GALNT11: variants seen among roughly 807,000 people sequenced by gnomAD.
The protein encoded by GALNT11 is polypeptide N-acetylgalactosaminyltransferase 11.
Under a neutral mutation model 72.7 loss-of-function variants are expected in GALNT11, and 47 were observed. That is an observed-to-expected ratio of 0.65 (90% CI 0.51 to 0.82). The LOEUF (loss-of-function observed/expected upper bound fraction) is 0.82, where lower values mean the gene tolerates loss of function less well. Ranked by LOEUF, GALNT11 falls within the 40% of genes least tolerant of loss-of-function variation. The pLI is 0.00. For missense variants in GALNT11, 677 were observed against 778.4 expected, an observed-to-expected ratio of 0.87 and a Z score of 1.55; for synonymous variants, 270 against 286.6, an observed-to-expected ratio of 0.94 and a Z score of 0.58.
At position 152,105,309 on chromosome 7, in the gene GALNT11, A is replaced by G. The variant is rs141542379; in HGVS notation, c.651A>G (p.Ile217Met). 79 of 1,614,104 alleles carry G rather than the reference A, an allele frequency of 4.9e-5. No homozygotes were observed. In the African/African-American group the frequency reaches 8.4e-4, roughly 17 times the overall value. The change falls in exon 5 of 12, where the codon ATA becomes ATG. Residue 217 changes from isoleucine to methionine, a missense_variant. By Grantham distance (10) the Ile-to-Met change is conservative. Transcript: ENST00000430044. ...QKYLPGKIKV[I>M]RNTKREGLIR... The stretch of plus-strand genomic sequence containing the variant: ...ACCTCCCTGGAAAAATTAAAGTCAT[A>G]AGAAATACAAAGCGTGAGGGGTTGA...
chr7:152,065,060 T>C (rs1022927328), intron 1 of GALNT11, among the ~76,000 whole-genome samples: 2 of 152,238 alleles, frequency 1.3e-5, no homozygotes, highest in African/African-American at 4.8e-5. Flanking sequence ...TCCAACTTGG[T>C]TCCATTCTCC....
chr7:152,069,564 GT>G (rs2084505453), intron 1 of GALNT11, among the ~76,000 whole-genome samples: 1 of 152,112 alleles, frequency 6.6e-6, no homozygotes, highest in South Asian at 2.1e-4. Flanking sequence ...ATTTTTCTTA[GT>G]TTTGCCTCAT....
intron 1 of GALNT11, among the ~76,000 whole-genome samples, chr7:152,049,868 G>C (rs926819138): frequency 1.3e-5 from 2 of 152,050 alleles, no homozygotes; most frequent in Admixed American, 1.3e-4. Flanking sequence ...ATGAGCAGAG[G>C]AGTCTCCCCC....
rs114990798 is a variant in GALNT11, at chr7:152,076,337, A to G, written c.-38-17853A>G. Among the ~76,000 whole-genome samples the G allele has an allele frequency of 1.1e-3, 172 of 152,310 alleles. 2 individuals are homozygous for G. The highest frequency in any genetic ancestry group is 4.0e-3 in the African/African-American group (167 of 41,570). ...ATTGATTGGTTTTGGTTCTTCTGGA[A>G]GCAGATCTTGAGATAGAAATCTGAA... On this transcript the variant is annotated intron_variant, in intron 1 of 11. Transcript: ENST00000430044.
chr7:152,026,233 A>G (rs2082006767), intron 1 of GALNT11, among the ~76,000 whole-genome samples: 1 of 152,236 alleles, frequency 6.6e-6, no homozygotes, highest in Non-Finnish European at 1.5e-5. Context: ...ACTTTTTAAA[A>G]TTAAAAGTGC....
chr7:152,101,654 G>T (rs964283970), intron 3 of GALNT11, among the ~76,000 whole-genome samples: 3 of 138,142 alleles, frequency 2.2e-5, no homozygotes, highest in Non-Finnish European at 3.1e-5. Flanking sequence ...GGGGGGGGGG[G>T]ATGGAGTCTT....
chr7:152,057,616 T>A (rs965697242), intron 1 of GALNT11, among the ~76,000 whole-genome samples: 3 of 152,102 alleles, frequency 2.0e-5, no homozygotes, highest in Admixed American at 6.5e-5. Context: ...CAGAATTAGA[T>A]GATTTTGGTG....
chr7:152,071,574 G>A (rs1255308782), intron 1 of GALNT11, among the ~76,000 whole-genome samples: 1 of 152,058 alleles, frequency 6.6e-6, no homozygotes, highest in East Asian at 1.9e-4. Context: ...AGGTCCTGGG[G>A]CAACATACAT....
intron 1 of GALNT11, among the ~76,000 whole-genome samples, chr7:152,082,910 T>C (rs1040325204): frequency 2.0e-5 from 3 of 152,242 alleles, no homozygotes; most frequent in Admixed American, 6.5e-5. Flanking sequence ...TTTGAGCATT[T>C]TTTCATATAG....
At chr7:152,050,064 G>A (rs993584365) in intron 1 of GALNT11, among the ~76,000 whole-genome samples, 2 of 152,212 alleles carry the variant, frequency 1.3e-5, no homozygotes, top group Non-Finnish European at 2.9e-5. Flanking sequence ...GCCAAGGCCT[G>A]AAATCAAGGA....
In GALNT11 at chr7:152,110,527, G is replaced by A. The variant is rs1397727820; in HGVS notation, c.963-1G>A. On this transcript the variant is annotated splice_acceptor_variant, in intron 6 of 11. Coordinates refer to ENST00000430044, the MANE Select transcript of GALNT11 (RefSeq NM_022087.4). LOFTEE classifies it high-confidence loss of function. ...GAGTACAGTAATTTTCCTTTTTCTA[G>A]GTCACCAACAATGGCTGGAGGTTTG... 3.1e-6 allele frequency: 5 copies of A among 1,610,946 alleles called. No homozygotes were observed. The highest frequency in any genetic ancestry group is 4.2e-6 in the Non-Finnish European group (5 of 1,178,856).
intron 1 of GALNT11, among the ~76,000 whole-genome samples, chr7:152,077,884 A>G (rs372802008): frequency 3.3e-5 from 5 of 152,104 alleles, no homozygotes; most frequent in Non-Finnish European, 7.3e-5. Flanking sequence ...TATTATGTTC[A>G]TGGAGATAAA....
intron 1 of GALNT11, among the ~76,000 whole-genome samples, chr7:152,080,812 C>A (rs1196985614): frequency 3.3e-5 from 5 of 150,306 alleles, no homozygotes; most frequent in Non-Finnish European, 5.9e-5. Context: ...AAAAAAAAAA[C>A]ACAAAATATT....
At position 152,041,494 on chromosome 7, in the gene GALNT11, A is replaced by G. The variant is rs1254202302; in HGVS notation, c.-39+15610A>G. Among the ~76,000 whole-genome samples, 11 of 152,298 alleles carry G rather than the reference A, an allele frequency of 7.2e-5. No homozygotes were observed. In the East Asian group the frequency reaches 2.1e-3, roughly 29 times the overall value. The stretch of plus-strand genomic sequence containing the variant: ...GAGTAGTGACTTGATCCAAATAAGG[A>G]GTTAGAGTCCATGAATTAGCATGTG... On this transcript the variant is annotated intron_variant, in intron 1 of 11. Transcript: ENST00000430044.
chr7:152,086,848 G>T (rs1040795811), intron 1 of GALNT11, among the ~76,000 whole-genome samples: 1 of 152,058 alleles, frequency 6.6e-6, no homozygotes, highest in African/African-American at 2.4e-5. Context: ...TTCCTGAGTT[G>T]TTTCTTGTAC....
intron 1 of GALNT11, among the ~76,000 whole-genome samples, chr7:152,051,459 G>A (rs181338726): frequency 8.6e-5 from 13 of 152,028 alleles, no homozygotes; most frequent in Admixed American, 6.6e-4. Context: ...TAATATGCTC[G>A]TGATGGACTA....
At chr7:152,079,858 C>T (rs778200162) in intron 1 of GALNT11, among the ~76,000 whole-genome samples, 1 of 152,090 alleles carries the variant, frequency 6.6e-6, no homozygotes, top group Non-Finnish European at 1.5e-5. Flanking sequence ...TATGAGTGTG[C>T]CTCTTTTATG....
intron 1 of GALNT11, among the ~76,000 whole-genome samples, chr7:152,043,589 A>T (rs1455602444): frequency 6.6e-6 from 1 of 152,200 alleles, no homozygotes. Flanking sequence ...TCACCCTCTC[A>T]TCTAGCTTGC....
At chr7:152,102,791 G>A (rs1297106168) in intron 3 of GALNT11, among the ~76,000 whole-genome samples, 1 of 152,074 alleles carries the variant, frequency 6.6e-6, no homozygotes, top group African/African-American at 2.4e-5. Context: ...AGACCAGCTT[G>A]ACCAACATGG....
Sources: gnomAD v4.1 joint callset for allele counts (sites outside exome capture counted in the v4.1 genomes callset) on GRCh38, gnomAD v4.1.1 for gene constraint, MANE v1.5 for transcripts, NCBI Gene and HGNC (gene_info 2026-07-23, HGNC 2026-07-21) for gene names.